Variants in DPP10 observed in about 807,000 individuals in gnomAD.
DPP10 encodes dipeptidyl peptidase like 10.
DPP10 carries 33 observed loss-of-function variants against 120.9 expected under a neutral mutation model. That is an observed-to-expected ratio of 0.27 (90% confidence interval 0.21 to 0.37). DPP10 has a LOEUF of 0.37. Among genes scored for constraint, DPP10 ranks in the 10% least tolerant of loss-of-function variants. The pLI, the probability that DPP10 is intolerant of heterozygous loss-of-function variation, is 1.00. For missense variants in DPP10, 816 were observed against 942.8 expected (o/e 0.87, Z 1.76); for synonymous variants, 337 against 326.1 (o/e 1.03, Z -0.36).
chr2:114,686,471 A>T (rs2105742300), intron 1 of DPP10, among the ~76,000 whole-genome samples: 1 of 152,036 alleles, frequency 6.6e-6, no homozygotes, highest in South Asian at 2.1e-4. Context: ...AGATGTAAAG[A>T]GCTAAAACTG....
At chr2:114,669,348 T>G (rs1698162391) in intron 1 of DPP10, among the ~76,000 whole-genome samples, 1 of 152,174 alleles carries the variant, frequency 6.6e-6, no homozygotes, top group South Asian at 2.1e-4. Context: ...TAGGTGTATG[T>G]GTGATTGTTC....
chr2:115,655,206 G>A (rs868389982), intron 5 of DPP10, among the ~76,000 whole-genome samples: 12 of 151,420 alleles, frequency 7.9e-5, no homozygotes, highest in African/African-American at 2.4e-4. Context: ...TCCCAAATAC[G>A]TAACTTTTTA....
At chr2:114,595,499 C>A (rs982228352) in intron 1 of DPP10, among the ~76,000 whole-genome samples, 1 of 152,110 alleles carries the variant, frequency 6.6e-6, no homozygotes, top group Non-Finnish European at 1.5e-5. Context: ...ACACTTTCTG[C>A]ACCTCAAGAA....
chr2:114,834,936 A>G (rs534381307), intron 1 of DPP10, among the ~76,000 whole-genome samples: 1 of 149,570 alleles, frequency 6.7e-6, no homozygotes, highest in East Asian at 1.9e-4. Flanking sequence ...AGCCATATCT[A>G]CACACCTATG....
chr2:115,358,030 C>T (rs192217695), intron 3 of DPP10, among the ~76,000 whole-genome samples: 9 of 152,140 alleles, frequency 5.9e-5, no homozygotes, highest in East Asian at 3.9e-4. Flanking sequence ...TCTGTGCCTG[C>T]GATGGGAGGG....
intron 11 of DPP10, among the ~76,000 whole-genome samples, chr2:115,753,968 G>A (rs1040530478): frequency 6.6e-6 from 1 of 152,144 alleles, no homozygotes; most frequent in African/African-American, 2.4e-5. Flanking sequence ...GATGGAGTAC[G>A]TGTTACCTGA....
chr2:115,841,480 T>G (rs1690140052), intron 25 of DPP10, among the ~76,000 whole-genome samples: 1 of 152,136 alleles, frequency 6.6e-6, no homozygotes, highest in Non-Finnish European at 1.5e-5. Context: ...TCATTTAAAT[T>G]TCTCAGCATT....
intron 5 of DPP10, among the ~76,000 whole-genome samples, chr2:115,537,724 AGTAATTTAT>A (rs1176813579): frequency 6.6e-6 from 1 of 151,978 alleles, no homozygotes; most frequent in African/African-American, 2.4e-5. Context: ...GTCATAAAGC[AGTAATTTAT>A]TGTGATCATA....
chr2:115,270,216 A>T (rs1421619278), intron 1 of DPP10, among the ~76,000 whole-genome samples: 2 of 152,078 alleles, frequency 1.3e-5, no homozygotes, highest in Non-Finnish European at 2.9e-5. Context: ...AGCTTTGACC[A>T]GAAGAAAAAT....
chr2:115,039,799 G>A lies in DPP10; in HGVS notation c.61-269440G>A, dbSNP rs139162027. Among the ~76,000 whole-genome samples, 148 of 152,176 alleles carry A rather than the reference G, an allele frequency of 9.7e-4. 1 individual carries two copies. In the Middle Eastern group the frequency reaches 0.021, roughly 21 times the overall value. On this transcript the variant is annotated intron_variant, in intron 1 of 25. Transcript: ENST00000410059. The stretch of plus-strand genomic sequence containing the variant: ...AAGAAATGTATACACCCATCAGCAA[G>A]TCTCCATTGGGCCATCAAGTCGTCT...
chr2:115,060,357 C>G (rs1235891377), intron 1 of DPP10, among the ~76,000 whole-genome samples: 2 of 152,010 alleles, frequency 1.3e-5, no homozygotes, highest in Admixed American at 6.6e-5. Context: ...ATTTGGGCGG[C>G]CGAGGCAGGT....
rs145304710 is a variant in DPP10 at position 115,342,129 on chromosome 2, T to G, written c.176-1688T>G. 117 of 454,676 alleles carry G rather than the reference T, an allele frequency of 2.6e-4. 3 individuals carry two copies. Among genetic ancestry groups the G allele is most frequent in the African/African-American group, 2.1e-3 (105 of 50,070 alleles). 28.2% of individuals were successfully genotyped at this position (454,676 alleles called of 1,614,324 possible). Reference sequence around the variant, plus strand: ...TTCTCTGATTTTTTCTGTGAGACATTTCCTTTCTTCAAACTCATTAAGCAC... The same window carrying G: ...TTCTCTGATTTTTTCTGTGAGACATGTCCTTTCTTCAAACTCATTAAGCAC... On this transcript the variant is annotated intron_variant, in intron 2 of 25. Transcript: ENST00000410059.
At chr2:115,296,264 C>A (rs969250967) in intron 1 of DPP10, among the ~76,000 whole-genome samples, 2 of 151,982 alleles carry the variant, frequency 1.3e-5, no homozygotes, top group Non-Finnish European at 2.9e-5. Flanking sequence ...AGATGCTCGG[C>A]GGCCTCTAAA....
intron 2 of DPP10, among the ~76,000 whole-genome samples, chr2:115,337,105 A>T (rs2063185860): frequency 6.6e-6 from 1 of 151,732 alleles, no homozygotes; most frequent in African/African-American, 2.4e-5. Context: ...GTAAGCTTGG[A>T]ATTTAAGACA....
chr2:114,824,378 A>T (rs952403305), intron 1 of DPP10, among the ~76,000 whole-genome samples: 4 of 152,216 alleles, frequency 2.6e-5, no homozygotes, highest in African/African-American at 9.7e-5. Flanking sequence ...CATGATATTG[A>T]TAGTCCATTA....
intron 1 of DPP10, among the ~76,000 whole-genome samples, chr2:114,505,599 A>T (rs1469048389): frequency 1.3e-5 from 2 of 152,124 alleles, no homozygotes; most frequent in Non-Finnish European, 2.9e-5. Flanking sequence ...GCATGTCCTG[A>T]ACTCCTTCAA....
chr2:115,281,775 C>A (rs756690638), intron 1 of DPP10, among the ~76,000 whole-genome samples: 6 of 152,048 alleles, frequency 3.9e-5, no homozygotes, highest in Non-Finnish European at 8.8e-5. Context: ...ACTGCAGAAA[C>A]CACTGGATAT....
At chr2:115,684,273 C>T (rs1227636507) in intron 5 of DPP10, among the ~76,000 whole-genome samples, 8 of 151,818 alleles carry the variant, frequency 5.3e-5, no homozygotes, top group African/African-American at 1.4e-4. Context: ...AATCATATTA[C>T]AACACTAGAG....
intron 1 of DPP10, among the ~76,000 whole-genome samples, chr2:114,985,121 A>G (rs993864623): frequency 6.6e-6 from 1 of 152,108 alleles, no homozygotes; most frequent in Non-Finnish European, 1.5e-5. Flanking sequence ...ACTCCATCTC[A>G]TCTCTTCTCC....
Sources: allele counts gnomAD v4.1 joint callset (sites outside exome capture counted in the v4.1 genomes callset), GRCh38; gene constraint gnomAD v4.1.1; transcripts MANE v1.5; gene names NCBI Gene and HGNC (gene_info 2026-07-23, HGNC 2026-07-21).